The following CEP162 variants were observed in gnomAD, a reference collection of about 807,000 sequenced individuals.
CEP162 encodes the protein centrosomal protein of 162 kDa.
In CEP162, 141 loss-of-function variants were observed where a neutral mutation model predicts 169.2. The observed-to-expected ratio is 0.83, with a 90% confidence interval of 0.73 to 0.96. The LOEUF (loss-of-function observed/expected upper bound fraction) is 0.96, where lower values mean the gene tolerates loss of function less well. Among genes scored for constraint, CEP162 ranks in the 40% least tolerant of loss-of-function variants. CEP162 has a pLI of 0.00. For synonymous variants in CEP162, 540 were observed against 526.4 expected, an observed-to-expected ratio of 1.03 and a Z score of -0.35; for missense variants, 1,600 against 1,587.2, an observed-to-expected ratio of 1.01 and a Z score of -0.14.
chr6:84,149,989 G>A (rs1375485938), intron 23 of CEP162, among the ~76,000 whole-genome samples: 1 of 152,070 alleles, frequency 6.6e-6, no homozygotes, highest in East Asian at 1.9e-4. Context: ...GGGAATCTAG[G>A]GTTCCAAAAG....
At chr6:84,175,664 A>C (rs2099532113) in intron 13 of CEP162, among the ~76,000 whole-genome samples, 2 of 152,196 alleles carry the variant, frequency 1.3e-5, no homozygotes, top group South Asian at 4.1e-4. Flanking sequence ...GTTTTAAATA[A>C]ATTCTTCTGT....
At chr6:84,213,156 A>G (rs1424816463) in intron 5 of CEP162, 132 bp from the exon 6 acceptor site, 8 of 508,752 alleles carry the variant, frequency 1.6e-5, no homozygotes, top group Non-Finnish European at 2.3e-5. Context: ...TTCTATCAAA[A>G]GCTAAAAATT....
Position 84,194,960 on chromosome 6 carries a change from T to C in CEP162, c.951A>G (p.Glu317=), listed in dbSNP as rs747879053. 6.2e-7 allele frequency: 1 copy of C among 1,613,478 alleles called. No individual in the cohort carries two copies. Among genetic ancestry groups the C allele is most frequent in the Admixed American group, 1.7e-5 (1 of 60,000 alleles). The change falls in exon 10 of 27, where the codon GAA becomes GAG. Residue 317 remains glutamate (E), a synonymous_variant. Coordinates refer to ENST00000403245, the MANE Select transcript of CEP162 (RefSeq NM_014895.4). ...GACCTTTCACTGAGCTCTTGATATC[T>C]TCCACTGTGTTACTCTCAATTTTTT... ...DKQKIESNTV[E]DIKSSVKGHP... is the part of the protein sequence containing the mutation.
Position 84,212,960 on chromosome 6 carries a change from C to T in CEP162, c.568G>A (p.Ala190Thr), listed in dbSNP as rs543513056. The change falls in exon 6 of 27, where the codon GCA becomes ACA. Residue 190 changes from alanine (A) to threonine (T), a missense_variant. Ala to Thr is a moderately conservative substitution (Grantham distance 58). Coordinates refer to ENST00000403245, the MANE Select transcript of CEP162 (RefSeq NM_014895.4). ...ATTTAAGAACCAATGAAATTACCTG[C>T]CAGTTCTTCATGTTTCGATTCATTC... ...HENESKHEEL[A>T]ENYSDDFEDE... 8 of 1,534,388 alleles carry T rather than the reference C, an allele frequency of 5.2e-6. No homozygotes were observed. In the East Asian group the frequency reaches 1.9e-4, roughly 37 times the overall value.
At chr6:84,227,415 A>T (rs946451155) in intron 1 of CEP162, among the ~76,000 whole-genome samples, 165 bp downstream of exon 1, 3 of 152,174 alleles carry the variant, frequency 2.0e-5, no homozygotes, top group African/African-American at 7.2e-5. Flanking sequence ...CGTCCCCAGA[A>T]GCGCGGGTTC....
At chr6:84,202,211 AAAGATACAACTTTCAG>A (rs1377645542) in intron 7 of CEP162, among the ~76,000 whole-genome samples, 1 of 152,172 alleles carries the variant, frequency 6.6e-6, no homozygotes, top group Admixed American at 6.5e-5. Flanking sequence ...CTATGTTTCA[AAAGATACAACTTTCAG>A]AAAGACAGGC....
At position 84,163,261 on chromosome 6, in the gene CEP162, C is replaced by A. The variant is rs1257713063; in HGVS notation, c.2395G>T (p.Asp799Tyr). The A allele has an allele frequency of 1.2e-6, 2 of 1,603,642 alleles. No homozygotes were observed. The highest frequency in any genetic ancestry group is 1.7e-5 in the Admixed American group (1 of 58,948). The stretch of plus-strand genomic sequence containing the variant: ...CTTTTGATGTCTTCCAATAAACTGT[C>A]TTTTTCTTTCTTGATATTCAAAAGA... ...AELRMAQKEK[D>Y]SLLEDIKRLK... is the part of the protein sequence containing the mutation. Residue 799 changes from aspartate (D) to tyrosine (Y), a missense_variant, in exon 19 of 27, where the codon GAC (aspartate) becomes TAC (tyrosine). By Grantham distance (160) the Asp-to-Tyr change is radical (BLOSUM62 -3). Transcript: ENST00000403245.
intron 8 of CEP162, among the ~76,000 whole-genome samples, chr6:84,201,290 C>T (rs1482971567): frequency 6.6e-6 from 1 of 151,738 alleles, no homozygotes; most frequent in African/African-American, 2.4e-5. Context: ...AAACAACAAA[C>T]AAACAAACAA....
intron 13 of CEP162, among the ~76,000 whole-genome samples, chr6:84,179,070 T>C (rs891772793): frequency 1.3e-5 from 2 of 152,224 alleles, no homozygotes; most frequent in Admixed American, 6.5e-5. Flanking sequence ...TTGATGGACA[T>C]CTGGGTTGGT....
At chr6:84,144,777 G>T (rs2099518121) in intron 25 of CEP162, among the ~76,000 whole-genome samples, 1 of 152,108 alleles carries the variant, frequency 6.6e-6, no homozygotes, top group Non-Finnish European at 1.5e-5. Context: ...AAACACTGCT[G>T]ATTCTTTAAT....
rs1484086618 is a variant in CEP162 at position 84,213,012 on chromosome 6, G to A, written c.516C>T (p.Asn172=). Residue 172 remains asparagine, a synonymous_variant, in exon 6 of 27, where the codon AAC becomes AAT. Coordinates refer to ENST00000403245, the MANE Select transcript of CEP162 (RefSeq NM_014895.4). ...CATGTTCGTCATCAGTTAGTTCTGC[G>A]TTGGCTTGATTACTGGAAAAAATAT... The part of the protein sequence containing the change: ...HFKALHSNQA[N]AELTDDEHEN... 1.2e-5 allele frequency: 18 copies of A among 1,543,770 alleles called. No homozygotes were observed. The highest frequency in any genetic ancestry group is 4.8e-5 in the East Asian group (2 of 41,656).
chr6:84,200,502 C>G (rs1052567933), intron 9 of CEP162, among the ~76,000 whole-genome samples: 1 of 152,124 alleles, frequency 6.6e-6, no homozygotes, highest in African/African-American at 2.4e-5. Context: ...TCTGGAGAGG[C>G]ATAGAAAATT....
intron 24 of CEP162, 91 bp downstream of exon 24, chr6:84,149,471 A>T: frequency 9.4e-7 from 1 of 1,060,552 alleles, no homozygotes; most frequent in South Asian, 2.6e-5. Flanking sequence ...AAAAGTTAAA[A>T]CATTTCCAAA....
chr6:84,173,373 C>T (rs144535187), intron 16 of CEP162, among the ~76,000 whole-genome samples: 151 of 152,268 alleles, frequency 9.9e-4, no homozygotes, highest in Non-Finnish European at 1.5e-3. Context: ...GTAAAACTTA[C>T]GATGAAGTTA....
intron 17 of CEP162, among the ~76,000 whole-genome samples, chr6:84,170,207 A>G (rs979805117): frequency 1.3e-5 from 2 of 151,816 alleles, no homozygotes; most frequent in African/African-American, 4.8e-5. Flanking sequence ...CTCTGTCTCT[A>G]CTAAAAAATA....
chr6:84,227,052 T>C (rs2099556022), intron 1 of CEP162, among the ~76,000 whole-genome samples: 2 of 152,210 alleles, frequency 1.3e-5, no homozygotes. Context: ...ATCAGTACTA[T>C]GTTTCTTTTG....
chr6:84,168,315 A>G (rs1472355239), intron 18 of CEP162, among the ~76,000 whole-genome samples: 1 of 152,108 alleles, frequency 6.6e-6, no homozygotes, highest in Non-Finnish European at 1.5e-5. Context: ...CTTCCTACAT[A>G]CACATGCAAC....
chr6:84,195,176 A>AGAGT (rs2099541588), intron 9 of CEP162, 101 bp from the exon 10 acceptor site: 1 of 984,956 alleles, frequency 1.0e-6, no homozygotes, highest in Admixed American at 3.0e-5. Flanking sequence ...ATATAAAAGT[A>AGAGT]GAGTTAAGTA....
At position 84,221,099 on chromosome 6, in the gene CEP162, T is replaced by C. The variant is rs758739552; in HGVS notation, c.130A>G (p.Thr44Ala). 1.9e-6 allele frequency: 3 copies of C among 1,603,170 alleles called. No homozygotes were observed. Among genetic ancestry groups the C allele is most frequent in the Middle Eastern group, 1.7e-4 (1 of 6,040 alleles). The part of the protein sequence containing the change: ...QSKKEMKKKD[T>A]VPWWITEDDF... ...TCTTCAGTTATCCACCAAGGCACTGTATCTTTCTTCTTCATCTCTTTTTTA... is the reference window on the plus strand; with the variant it reads ...TCTTCAGTTATCCACCAAGGCACTGCATCTTTCTTCTTCATCTCTTTTTTA... Residue 44 changes from threonine (T) to alanine (A), a missense_variant, in exon 3 of 27, where the codon ACA becomes GCA. By Grantham distance (58) the Thr-to-Ala change is moderately conservative (BLOSUM62 0). Coordinates refer to ENST00000403245, the MANE Select transcript of CEP162 (RefSeq NM_014895.4).
Sources: gnomAD v4.1 joint callset for allele counts (sites outside exome capture counted in the v4.1 genomes callset) on GRCh38, gnomAD v4.1.1 for gene constraint, MANE v1.5 for transcripts, NCBI Gene and HGNC (gene_info 2026-07-23, HGNC 2026-07-21) for gene names.